Variants in RPTOR observed in about 807,000 individuals in gnomAD.
The protein encoded by RPTOR is regulatory-associated protein of mTOR.
In RPTOR, 21 loss-of-function variants were observed where a neutral mutation model predicts 169.9. That is an observed-to-expected ratio of 0.12 (90% CI 0.09 to 0.18). The LOEUF (loss-of-function observed/expected upper bound fraction) is 0.18, where lower values mean the gene tolerates loss of function less well. Among genes scored for constraint, RPTOR ranks in the 10% least tolerant of loss-of-function variants. The pLI is 1.00. For synonymous variants in RPTOR, 732 were observed against 753.2 expected, an observed-to-expected ratio of 0.97 and a Z score of 0.46; for missense variants, 1,133 against 1,855.9, an observed-to-expected ratio of 0.61 and a Z score of 7.16.
At chr17:80,865,604 C>T (rs1286709579) in intron 13 of RPTOR, among the ~76,000 whole-genome samples, 1 of 152,052 alleles carries the variant, frequency 6.6e-6, no homozygotes, top group Non-Finnish European at 1.5e-5. Context: ...ATCAAGAGAA[C>T]GTCGCAGTCC....
chr17:80,830,202 C>T (rs1398536227), intron 9 of RPTOR, among the ~76,000 whole-genome samples: 1 of 152,184 alleles, frequency 6.6e-6, no homozygotes, highest in Non-Finnish European at 1.5e-5. Flanking sequence ...TTCCTGGTTT[C>T]CTGGAGTCAG....
intron 9 of RPTOR, among the ~76,000 whole-genome samples, chr17:80,827,440 C>T (rs977543880): frequency 2.0e-5 from 3 of 152,220 alleles, no homozygotes; most frequent in Non-Finnish European, 4.4e-5. Flanking sequence ...CCGCCGTCCC[C>T]ACCAGTGGGG....
chr17:80,622,569 A>C (rs1321987252), intron 1 of RPTOR, among the ~76,000 whole-genome samples: 1 of 152,188 alleles, frequency 6.6e-6, no homozygotes, highest in Non-Finnish European at 1.5e-5. Flanking sequence ...TTCTTCTCCT[A>C]GTATATCCAC....
At chr17:80,584,981 A>G (rs991295847) in intron 1 of RPTOR, among the ~76,000 whole-genome samples, 3 of 152,134 alleles carry the variant, frequency 2.0e-5, no homozygotes, top group Non-Finnish European at 4.4e-5. Context: ...TGAGCTGGCT[A>G]TGGCTGGGTT....
At chr17:80,793,354 C>A (rs146996745) in intron 7 of RPTOR, among the ~76,000 whole-genome samples, 1 of 152,190 alleles carries the variant, frequency 6.6e-6, no homozygotes, top group Non-Finnish European at 1.5e-5. Flanking sequence ...CTTAAATAAA[C>A]CATATCCATT....
chr17:80,685,636 T>TTTTTTA (rs1555607032), intron 3 of RPTOR, among the ~76,000 whole-genome samples: 1 of 55,632 alleles, frequency 1.8e-5, no homozygotes, highest in East Asian at 5.8e-4. Flanking sequence ...TATTTTTTTT[T>TTTTTTA]TTTTTTTTTT....
At chr17:80,827,380 C>G (rs1323911307) in intron 9 of RPTOR, among the ~76,000 whole-genome samples, 1 of 152,222 alleles carries the variant, frequency 6.6e-6, no homozygotes, top group East Asian at 1.9e-4. Context: ...CAGCCAGGTT[C>G]TCTGTGCAGG....
At chr17:80,931,475 T>C (rs2068896683) in intron 24 of RPTOR, among the ~76,000 whole-genome samples, 1 of 152,150 alleles carries the variant, frequency 6.6e-6, no homozygotes, top group South Asian at 2.1e-4. Flanking sequence ...GCCATGGACG[T>C]CCACTGGGCC....
At chr17:80,885,567 G>A (rs1598378144) in intron 17 of RPTOR, among the ~76,000 whole-genome samples, 1 of 152,076 alleles carries the variant, frequency 6.6e-6, no homozygotes. Flanking sequence ...TTTTTGAGAT[G>A]GAGTCTCTCT....
At chr17:80,898,619 C>T (rs993893872) in intron 20 of RPTOR, among the ~76,000 whole-genome samples, 1 of 149,764 alleles carries the variant, frequency 6.7e-6, no homozygotes, top group Non-Finnish European at 1.5e-5. Flanking sequence ...TTCAGGTCTG[C>T]GGGACCCCTG....
chr17:80,857,686 A>G, intron 12 of RPTOR, 104 bp from the exon 13 acceptor site: 1 of 704,036 alleles, frequency 1.4e-6, no homozygotes, highest in Non-Finnish European at 2.5e-6. Context: ...TGCGTTTCCC[A>G]TATGTGCTGA....
At position 80,844,976 on chromosome 17, in the gene RPTOR, G is replaced by GGTT. The variant is rs2067711216; in HGVS notation, c.1213-1497_1213-1496insGTT. 4.8e-5 allele frequency among the ~76,000 whole-genome samples: 7 copies of GGTT among 145,282 alleles called. No homozygotes were observed. On this transcript the variant is annotated intron_variant, in intron 10 of 33. Coordinates refer to ENST00000306801, the MANE Select transcript of RPTOR (RefSeq NM_020761.3). The surrounding 1 kb of genome is among the most constrained non-coding windows in gnomAD (Gnocchi z 4.7). ...GGATGGGAGAGAGAGGCTGGTAGTT[G>GGTT]TTTTTTTTTTTTTCTTTAATTCTTT...
At chr17:80,689,403 G>A (rs899200705) in intron 3 of RPTOR, among the ~76,000 whole-genome samples, 6 of 152,218 alleles carry the variant, frequency 3.9e-5, no homozygotes, top group Non-Finnish European at 5.9e-5. Context: ...CCGTCTTTCC[G>A]AAGCCATCGC....
At chr17:80,558,654 T>C (rs1323125603) in intron 1 of RPTOR, among the ~76,000 whole-genome samples, 2 of 152,142 alleles carry the variant, frequency 1.3e-5, no homozygotes, top group Non-Finnish European at 2.9e-5. Flanking sequence ...CTGTCCCCCT[T>C]CTACTCCTAA....
At chr17:80,585,670 G>C in intron 1 of RPTOR, among the ~76,000 whole-genome samples, 1 of 152,194 alleles carries the variant, frequency 6.6e-6, no homozygotes. Context: ...TTAAGCAGTT[G>C]CATAGTTTAG....
At chr17:80,647,029 T>A (rs1188886475) in intron 3 of RPTOR, among the ~76,000 whole-genome samples, 1 of 152,234 alleles carries the variant, frequency 6.6e-6, no homozygotes, top group East Asian at 1.9e-4. Context: ...GTTCTTCATT[T>A]TTCTAGCTTT....
At chr17:80,961,135 C>T in intron 30 of RPTOR, 1 of 484,120 alleles carries the variant, frequency 2.1e-6, no homozygotes, top group Non-Finnish European at 3.7e-6. Flanking sequence ...GTGGCTCAGA[C>T]AGTCCTCCAG....
intron 6 of RPTOR, among the ~76,000 whole-genome samples, chr17:80,784,025 A>C (rs994092698): frequency 6.6e-6 from 1 of 152,166 alleles, no homozygotes; most frequent in African/African-American, 2.4e-5. Context: ...CACCCAGGCT[A>C]GAGTGCAGTG....
chr17:80,964,202 C>CCCCCCCCCCCCGGTCA, intron 33 of RPTOR, 60 bp from the exon 34 acceptor site: 1 of 1,224,850 alleles, frequency 8.2e-7, no homozygotes, highest in Non-Finnish European at 1.2e-6. Context: ...TGCGCCCCCC[C>CCCCCCCCCCCCGGTCA]GCCCCCCGCA....
Sources: gnomAD v4.1 joint callset for allele counts (sites outside exome capture counted in the v4.1 genomes callset) on GRCh38, gnomAD v4.1.1 for gene constraint, Gnocchi (gnomAD v3.1) non-coding constraint, MANE v1.5 for transcripts, NCBI Gene and HGNC (gene_info 2026-07-23, HGNC 2026-07-21) for gene names.